CSMD1: variants seen among roughly 807,000 people sequenced by gnomAD.
The protein encoded by CSMD1 is CUB and sushi domain-containing protein 1.
CSMD1 carries 213 observed loss-of-function variants against 417.5 expected under a neutral mutation model. The observed-to-expected ratio is 0.51, with a 90% CI of 0.46 to 0.57. CSMD1 has a LOEUF of 0.57. Ranked by LOEUF, CSMD1 falls within the 20% of genes least tolerant of loss-of-function variation. CSMD1 has a pLI of 0.00. For synonymous variants in CSMD1, 2,862 were observed against 1,736.8 expected (o/e 1.65, Z -16.11); for missense variants, 6,923 against 4,529.7 (o/e 1.53, Z -15.17).
intron 1 of CSMD1, among the ~76,000 whole-genome samples, chr8:4,780,099 G>C (rs540117198): frequency 1.3e-5 from 2 of 152,098 alleles, no homozygotes; most frequent in Non-Finnish European, 2.9e-5. Context: ...ATACACCCGC[G>C]TTTTGTATTT....
intron 5 of CSMD1, among the ~76,000 whole-genome samples, chr8:3,857,887 G>T (rs1032832495): frequency 6.6e-6 from 1 of 152,228 alleles, no homozygotes; most frequent in Non-Finnish European, 1.5e-5. Context: ...ATGTAACAGG[G>T]ATTGCTTCCG....
chr8:4,486,180 CATATATATATATATATATACATACATAT>C (rs1563223806), intron 2 of CSMD1, among the ~76,000 whole-genome samples: 179 of 17,566 alleles, frequency 0.01, 2 homozygotes, highest in South Asian at 0.015. Flanking sequence ...TATATACATA[CATATATATATATATATATACATACATAT>C]ATATATATAT....
At chr8:3,507,308 T>A (rs1011515590) in intron 10 of CSMD1, among the ~76,000 whole-genome samples, 1 of 152,204 alleles carries the variant, frequency 6.6e-6, no homozygotes, top group African/African-American at 2.4e-5. Flanking sequence ...TTTAGCTTCA[T>A]CCATGTCCCT....
At chr8:4,104,236 G>C (rs931012583) in intron 3 of CSMD1, among the ~76,000 whole-genome samples, 5 of 152,236 alleles carry the variant, frequency 3.3e-5, no homozygotes, top group African/African-American at 7.2e-5. Flanking sequence ...GATACACATA[G>C]AGACATAGAT....
chr8:4,115,483 TA>T (rs1452508519), intron 3 of CSMD1, among the ~76,000 whole-genome samples: 6 of 152,146 alleles, frequency 3.9e-5, no homozygotes, highest in African/African-American at 7.2e-5. Flanking sequence ...GCTTTAGACG[TA>T]TTTTTTTACA....
At chr8:4,318,096 T>TA (rs1157090429) in intron 3 of CSMD1, among the ~76,000 whole-genome samples, 1 of 152,194 alleles carries the variant, frequency 6.6e-6, no homozygotes, top group Non-Finnish European at 1.5e-5. Context: ...AGCCTGTCTG[T>TA]AAAGCTGTAC....
At chr8:3,020,769 G>T (rs994217324) in intron 51 of CSMD1, among the ~76,000 whole-genome samples, 2 of 152,126 alleles carry the variant, frequency 1.3e-5, no homozygotes, top group African/African-American at 4.8e-5. Context: ...AAATTGGGAG[G>T]TCCAACTCGA....
chr8:4,216,672 A>C (rs1390354199), intron 3 of CSMD1, among the ~76,000 whole-genome samples: 1 of 152,162 alleles, frequency 6.6e-6, no homozygotes. Flanking sequence ...AGTGAAGGGA[A>C]GCTTCTCATG....
intron 6 of CSMD1, among the ~76,000 whole-genome samples, chr8:3,728,283 T>A (rs913567778): frequency 6.6e-6 from 1 of 152,098 alleles, no homozygotes; most frequent in Admixed American, 6.6e-5. Context: ...ATGTAAGACA[T>A]CCCTTTGCTC....
intron 1 of CSMD1, among the ~76,000 whole-genome samples, chr8:4,951,121 C>A (rs1196227964): frequency 6.6e-6 from 1 of 152,146 alleles, no homozygotes; most frequent in Non-Finnish European, 1.5e-5. Flanking sequence ...ATCTTTCTGA[C>A]ACACACCCTC....
chr8:4,127,807 T>C (rs963221170), intron 3 of CSMD1, among the ~76,000 whole-genome samples: 1 of 152,220 alleles, frequency 6.6e-6, no homozygotes, highest in Non-Finnish European at 1.5e-5. Flanking sequence ...ATGGTATTTG[T>C]ACTATCATTA....
intron 48 of CSMD1, among the ~76,000 whole-genome samples, chr8:3,088,000 G>A (rs1450001118): frequency 6.6e-6 from 1 of 152,146 alleles, no homozygotes. Flanking sequence ...GAAACTTCTG[G>A]ACTGTACAAT....
At chr8:3,074,407 G>T (rs994546879) in intron 49 of CSMD1, among the ~76,000 whole-genome samples, 3 of 152,142 alleles carry the variant, frequency 2.0e-5, no homozygotes, top group African/African-American at 7.2e-5. Context: ...GGTCCATAGG[G>T]AGCTGTCTAC....
At chr8:3,363,078 C>T (rs961268815) in intron 20 of CSMD1, among the ~76,000 whole-genome samples, 2 of 152,190 alleles carry the variant, frequency 1.3e-5, no homozygotes, top group Non-Finnish European at 2.9e-5. Flanking sequence ...AGGGGTCTGG[C>T]CACAGTGCCC....
rs527501988 is a variant in CSMD1, at chr8:4,374,635, G to GT, written c.415+45317dup. Among the ~76,000 whole-genome samples, 10 of 152,212 alleles carry GT rather than the reference G, an allele frequency of 6.6e-5. No homozygotes were observed. In the South Asian group the frequency reaches 2.1e-3, roughly 32 times the overall value. ...TCCTGAAAGCCAGGAGCATGAAGTT[G>GT]TTTTTTAGCTGGATGTTTTCTGAGT... On this transcript the variant is annotated intron_variant, in intron 3 of 69. Transcript: ENST00000635120.
At chr8:4,501,569 T>C (rs571483944) in intron 2 of CSMD1, among the ~76,000 whole-genome samples, 1 of 152,302 alleles carries the variant, frequency 6.6e-6, no homozygotes, top group Non-Finnish European at 1.5e-5. Flanking sequence ...CACTGAGGTC[T>C]GAAAACATTA....
intron 23 of CSMD1, among the ~76,000 whole-genome samples, chr8:3,313,602 T>C: frequency 6.6e-6 from 1 of 152,054 alleles, no homozygotes. Context: ...CAATCAATCA[T>C]TAAAAAGTCA....
intron 2 of CSMD1, among the ~76,000 whole-genome samples, chr8:4,448,168 A>G (rs1261774478): frequency 2.0e-5 from 3 of 152,226 alleles, no homozygotes; most frequent in Non-Finnish European, 2.9e-5. Flanking sequence ...CAAGGTGAAC[A>G]TGTAACCATA....
chr8:3,554,085 A>G (rs1197466971), intron 10 of CSMD1, among the ~76,000 whole-genome samples: 2 of 152,360 alleles, frequency 1.3e-5, no homozygotes, highest in South Asian at 2.1e-4. Flanking sequence ...AGCTTATATT[A>G]TGCGTTCTTC....
Sources: gnomAD v4.1 joint callset for allele counts (sites outside exome capture counted in the v4.1 genomes callset) on GRCh38, gnomAD v4.1.1 for gene constraint, MANE v1.5 for transcripts, NCBI Gene and HGNC (gene_info 2026-07-23, HGNC 2026-07-21) for gene names.